OMA1: variants seen among roughly 807,000 people sequenced by gnomAD.
OMA1 encodes the protein OMA1 zinc metallopeptidase.
In OMA1, 38 loss-of-function variants were observed where a neutral mutation model predicts 30.9. The ratio of observed to expected loss-of-function variants is 1.23; its 90% CI spans 0.95 to 1.61. OMA1 has a LOEUF of 1.61. Among genes scored for constraint, OMA1 ranks in the 40% most tolerant of loss-of-function variants. OMA1 has a pLI of 0.00. For missense variants in OMA1, 461 were observed against 349.2 expected (o/e 1.32, Z -2.55); for synonymous variants, 173 against 121.9 (o/e 1.42, Z -2.76).
intron 8 of OMA1, among the ~76,000 whole-genome samples, chr1:58,490,792 A>ATTTTTTT (rs1557438593): frequency 1.0e-5 from 1 of 97,250 alleles, no homozygotes; most frequent in African/African-American, 3.6e-5. Context: ...AATAGTCAAC[A>ATTTTTTT]TTCTTTTTTT....
intron 2 of OMA1, among the ~76,000 whole-genome samples, chr1:58,537,878 A>T (rs1646542283): frequency 6.6e-6 from 1 of 152,218 alleles, no homozygotes; most frequent in Admixed American, 6.5e-5. Flanking sequence ...GTGATCAACA[A>T]TAGTAACAAA....
chr1:58,511,287 T>C (rs1178321586), intron 7 of OMA1, among the ~76,000 whole-genome samples: 1 of 152,072 alleles, frequency 6.6e-6, no homozygotes, highest in African/African-American at 2.4e-5. Flanking sequence ...GTTAAATGAA[T>C]GGAACAGAAG....
intron 8 of OMA1, among the ~76,000 whole-genome samples, chr1:58,485,691 A>T (rs1645565148): frequency 6.6e-6 from 1 of 151,986 alleles, no homozygotes; most frequent in Non-Finnish European, 1.5e-5. Context: ...TATCTTATTA[A>T]ATATATCTTC....
chr1:58,487,245 T>C (rs143630687), intron 8 of OMA1, among the ~76,000 whole-genome samples: 3 of 152,322 alleles, frequency 2.0e-5, no homozygotes, highest in Admixed American at 6.5e-5. Context: ...TTTTCATGAA[T>C]AGGACACAGA....
At chr1:58,520,415 G>A (rs1452628519) in intron 7 of OMA1, among the ~76,000 whole-genome samples, 1 of 152,098 alleles carries the variant, frequency 6.6e-6, no homozygotes, top group Non-Finnish European at 1.5e-5. Context: ...AAAAATATCT[G>A]AGAAGATAAT....
intron 8 of OMA1, among the ~76,000 whole-genome samples, chr1:58,490,418 G>A (rs1157052187): frequency 6.6e-6 from 1 of 152,130 alleles, no homozygotes; most frequent in Non-Finnish European, 1.5e-5. Context: ...AATGAACAAA[G>A]CCTCCAAGAA....
intron 1 of OMA1, among the ~76,000 whole-genome samples, chr1:58,543,358 T>C (rs1032647447): frequency 5.3e-5 from 8 of 152,218 alleles, no homozygotes; most frequent in African/African-American, 1.9e-4. Context: ...ATTTTCAACA[T>C]TTAATCAGTT....
intron 7 of OMA1, among the ~76,000 whole-genome samples, chr1:58,524,023 A>T (rs11207248): frequency 0.18 from 27,071 of 152,236 alleles, 2,545 homozygotes; most frequent in Middle Eastern, 0.23. Flanking sequence ...TTTGCTTTAC[A>T]ACCAAAAGAC....
At chr1:58,543,172 T>C (rs1300265393) in intron 1 of OMA1, among the ~76,000 whole-genome samples, 1 of 152,190 alleles carries the variant, frequency 6.6e-6, no homozygotes, top group Non-Finnish European at 1.5e-5. Flanking sequence ...CCCAAAATAA[T>C]GCGCTTTCTT....
chr1:58,498,563 A>G (rs1277849735), intron 8 of OMA1, among the ~76,000 whole-genome samples: 2 of 152,208 alleles, frequency 1.3e-5, no homozygotes, highest in Admixed American at 6.5e-5. Context: ...ACTTTAAAAG[A>G]CAGAAAAGAA....
chr1:58,545,749 T>G (rs1400082416), intron 1 of OMA1, among the ~76,000 whole-genome samples: 1 of 152,236 alleles, frequency 6.6e-6, no homozygotes, highest in Non-Finnish European at 1.5e-5. Flanking sequence ...CAACTCTTGC[T>G]GAAAATGACT....
chr1:58,505,188 G>A (rs566108317), intron 8 of OMA1, among the ~76,000 whole-genome samples: 1 of 152,240 alleles, frequency 6.6e-6, no homozygotes, highest in Admixed American at 6.5e-5. Flanking sequence ...CTGACCTCAG[G>A]TGATCCACCC....
intron 8 of OMA1, among the ~76,000 whole-genome samples, chr1:58,495,101 G>A (rs1230065036): frequency 2.0e-5 from 3 of 152,158 alleles, no homozygotes; most frequent in Non-Finnish European, 4.4e-5. Flanking sequence ...AAAAAAGGAT[G>A]AGTTCATGTC....
chr1:58,510,675 A>G (rs541832467), intron 7 of OMA1, among the ~76,000 whole-genome samples: 1 of 152,234 alleles, frequency 6.6e-6, no homozygotes, highest in Non-Finnish European at 1.5e-5. Context: ...GAAAGAAAGA[A>G]GTAAAATGAT....
In OMA1 at chr1:58,481,094, C is replaced by T; in HGVS notation, c.1446G>A (p.Lys482=). Reference sequence around the variant, plus strand: ...CTTTCTCTGATTCTTCAAGAAAATGCTTCGTGCTGAGTTTGAATAGTAATC... The same window carrying T: ...CTTTCTCTGATTCTTCAAGAAAATGTTTCGTGCTGAGTTTGAATAGTAATC... ...DPRLLFKLST[K]HFLEESEKED... The change falls in exon 9 of 9, where the codon AAG becomes AAA. Residue 482 remains lysine (K), a synonymous_variant. Transcript: ENST00000371226. The T allele has an allele frequency of 1.1e-6, 1 of 871,914 alleles. No homozygotes were observed. The allele number at this position is 871,914 out of a possible 1,614,324, so 54.0% of individuals were successfully genotyped here.
In OMA1 at chr1:58,527,307, T is replaced by C; in HGVS notation, c.1169A>G (p.Lys390Arg). 1.1e-6 allele frequency: 1 copy of C among 872,298 alleles called. No homozygotes were observed. Among genetic ancestry groups the C allele is most frequent in the Non-Finnish European group, 2.0e-6 (1 of 501,246 alleles). The allele number at this position is 872,298 out of a possible 1,614,324, so 54.0% of individuals were successfully genotyped here. A position where few individuals can be genotyped will look rare whatever the true frequency, so the allele number is the denominator to read the frequency against. ...EYMFNRPYSR[K>R]LEAEADKIGL... ...AATTTTGTCAGCTTCGGCCTCCAAT[T>C]TTCTGCTGTATGGTCTATTAAACAT... is the stretch of plus-strand genomic sequence containing the variant. The change falls in exon 7 of 9, where the codon AAA (lysine) becomes AGA (arginine). Residue 390 changes from lysine to arginine, a missense_variant. Physicochemically the swap from Lys to Arg is conservative, Grantham distance 26. Transcript: ENST00000371226.
At chr1:58,492,061 T>G (rs1645704186) in intron 8 of OMA1, among the ~76,000 whole-genome samples, 1 of 152,160 alleles carries the variant, frequency 6.6e-6, no homozygotes, top group Admixed American at 6.5e-5. Flanking sequence ...TATAACAAAC[T>G]GTCTCTCAGA....
chr1:58,537,993 C>T (rs1019886675), intron 2 of OMA1, among the ~76,000 whole-genome samples: 1 of 152,182 alleles, frequency 6.6e-6, no homozygotes, highest in Admixed American at 6.5e-5. Context: ...AACCAATAGT[C>T]AATACAGCTG....
Position 58,502,967 on chromosome 1 carries a change from T to C in OMA1, c.1365+3093A>G, listed in dbSNP as rs565646892. On this transcript the variant is annotated intron_variant, in intron 8 of 8. Transcript: ENST00000371226. ...TTTGTCTTCATCATTTGCTCCCAAA[T>C]AAAATTTGTTTCTCTAGCCATTTTT... Among the ~76,000 whole-genome samples, 5 of 152,308 alleles carry C rather than the reference T, an allele frequency of 3.3e-5. No homozygotes were observed. The East Asian group carries it at 9.7e-4, about 29-fold the overall frequency.
Sources: allele counts gnomAD v4.1 joint callset (sites outside exome capture counted in the v4.1 genomes callset), GRCh38; gene constraint gnomAD v4.1.1; transcripts MANE v1.5; gene names NCBI Gene and HGNC (gene_info 2026-07-23, HGNC 2026-07-21).